Variants in PTPRU observed in about 807,000 individuals in gnomAD.
PTPRU encodes the protein receptor-type tyrosine-protein phosphatase U.
In PTPRU, 69 loss-of-function variants were observed where a neutral mutation model predicts 166.3. The ratio of observed to expected loss-of-function variants is 0.41; its 90% CI spans 0.34 to 0.51. The LOEUF is 0.51. Ranked by LOEUF, PTPRU falls within the 20% of genes least tolerant of loss-of-function variation. PTPRU has a pLI of 0.09. For missense variants in PTPRU, 1,657 were observed against 2,013.7 expected (o/e 0.82, Z 3.39); for synonymous variants, 793 against 814.0 (o/e 0.97, Z 0.44).
intron 15 of PTPRU, among the ~76,000 whole-genome samples, chr1:29,300,367 C>T (rs185102783): frequency 6.6e-6 from 1 of 152,286 alleles, no homozygotes; most frequent in East Asian, 1.9e-4. Context: ...ACAAACATGC[C>T]GAAAGCCCCG....
In PTPRU at chr1:29,282,944, A is replaced by G; in HGVS notation, c.2137A>G (p.Lys713Glu). ...LIYFQAASHL[K>E]GETRLNCIRI... Reference sequence around the variant, plus strand: ...CTACTTCCAGGCAGCAAGCCACCTGAAGGGGGTGAGGGACCGGCCAGGGTC... The same window carrying G: ...CTACTTCCAGGCAGCAAGCCACCTGGAGGGGGTGAGGGACCGGCCAGGGTC... Residue 713 changes from lysine (K) to glutamate (E), a missense_variant, in exon 12 of 30, where the codon AAG becomes GAG. By Grantham distance (56) the Lys-to-Glu change is moderately conservative. Coordinates refer to ENST00000373779, the MANE Select transcript of PTPRU (RefSeq NM_133178.4). 6.2e-7 allele frequency: 1 copy of G among 1,613,112 alleles called. No homozygotes were observed. The highest frequency in any genetic ancestry group is 8.5e-7 in the Non-Finnish European group (1 of 1,179,730).
intron 15 of PTPRU, among the ~76,000 whole-genome samples, chr1:29,296,535 G>T (rs1206293066): frequency 6.8e-6 from 1 of 147,670 alleles, no homozygotes; most frequent in Non-Finnish European, 1.5e-5. Context: ...TTGAGATAGG[G>T]TTTCACCCTG....
chr1:29,305,507 G>A (rs1216664055), intron 18 of PTPRU, 79 bp downstream of exon 18: 3 of 1,440,562 alleles, frequency 2.1e-6, no homozygotes, highest in Non-Finnish European at 2.9e-6. Context: ...GCAGAAACCT[G>A]TCGGGATAAA....
At chr1:29,303,805 G>A (rs1574697267) in intron 15 of PTPRU, 50 bp from the exon 16 acceptor site, 4 of 1,518,360 alleles carry the variant, frequency 2.6e-6, no homozygotes, top group South Asian at 1.2e-5. Context: ...CAGGACCCCC[G>A]AGGCTGGGGC....
chr1:29,313,889 G>A (rs534519155), intron 22 of PTPRU, among the ~76,000 whole-genome samples: 1 of 152,184 alleles, frequency 6.6e-6, no homozygotes, highest in East Asian at 1.9e-4. Context: ...TAAGAAAGGA[G>A]CAGAACATGA....
rs1684554619 is a variant in PTPRU, at chr1:29,251,812, C to A, written c.74-3463C>A. Among the ~76,000 whole-genome samples, 3 of 152,182 alleles carry A rather than the reference C, an allele frequency of 2.0e-5. No individual in the cohort carries two copies. The South Asian group carries it at 6.2e-4, about 31-fold the overall frequency. Reference sequence around the variant, plus strand: ...TGAACCCCATCCAGGGCTTTAGATCCTGGGCTTCCCTTTCTGGCAACCCCT... The same window carrying A: ...TGAACCCCATCCAGGGCTTTAGATCATGGGCTTCCCTTTCTGGCAACCCCT... On this transcript the variant is annotated intron_variant, in intron 1 of 29. Coordinates refer to ENST00000373779, the MANE Select transcript of PTPRU (RefSeq NM_133178.4).
chr1:29,291,759 C>A lies in PTPRU; in HGVS notation c.2319-110C>A. ...GCATCCAGAGATGCTTCTAGGACAG[C>A]TGCTGGCTCCTGGCCTTGAGGTCCC... On this transcript the variant is annotated intron_variant, in intron 14 of 29. Coordinates refer to ENST00000373779, the MANE Select transcript of PTPRU (RefSeq NM_133178.4). This position sits in a 1 kb window ranked among gnomAD's most constrained non-coding sequence, Gnocchi z 4.1. 8.7e-7 allele frequency: 1 copy of A among 1,155,040 alleles called. No individual in the cohort carries two copies. The allele number at this position is 1,155,040 out of a possible 1,614,324, so 71.5% of individuals were successfully genotyped here.
intron 8 of PTPRU, among the ~76,000 whole-genome samples, chr1:29,277,404 A>C (rs181693952): frequency 6.6e-6 from 1 of 152,268 alleles, no homozygotes; most frequent in East Asian, 1.9e-4. Flanking sequence ...CCTGGCCAGC[A>C]ATTGGGACTT....
rs369502974 is a variant in PTPRU at position 29,239,360 on chromosome 1, G to C, written c.73+2643G>C. On this transcript the variant is annotated intron_variant, in intron 1 of 29. Coordinates refer to ENST00000373779, the MANE Select transcript of PTPRU (RefSeq NM_133178.4). ...TGCTATTTTGTCCTTTTGGTCGCAG[G>C]AGTTGTGGACGGCAGGAATGAGGGA... is the stretch of plus-strand genomic sequence containing the variant. 2.6e-3 allele frequency among the ~76,000 whole-genome samples: 393 copies of C among 152,310 alleles called. 3 individuals carry two copies. Among genetic ancestry groups the C allele is most frequent in the African/African-American group, 9.0e-3 (376 of 41,552 alleles).
rs886153067 is a variant in PTPRU at position 29,271,541 on chromosome 1, A to G, written c.1145-3907A>G. Among the ~76,000 whole-genome samples the G allele has an allele frequency of 1.3e-5, 2 of 152,174 alleles. No individual in the cohort carries two copies. Among genetic ancestry groups the G allele is most frequent in the African/African-American group, 4.8e-5 (2 of 41,446 alleles). Reference sequence around the variant, plus strand: ...GGGAGTTTCATCCTCCAAAGTTGCTATCTTGGGCCCTGTAAGGTGATTTGA... The same window carrying G: ...GGGAGTTTCATCCTCCAAAGTTGCTGTCTTGGGCCCTGTAAGGTGATTTGA... On this transcript the variant is annotated intron_variant, in intron 7 of 29. Coordinates refer to ENST00000373779, the MANE Select transcript of PTPRU (RefSeq NM_133178.4). This position sits in a 1 kb window ranked among gnomAD's most constrained non-coding sequence, Gnocchi z 4.4.
rs548377153 is a variant in PTPRU at position 29,304,653 on chromosome 1, T to G, written c.2668-121T>G. The G allele has an allele frequency of 3.6e-3, 2,403 of 661,792 alleles. 11 individuals carry two copies. The highest frequency in any genetic ancestry group is 5.1e-3 in the Non-Finnish European group (2,082 of 405,978). The allele number at this position is 661,792 out of a possible 1,614,324, so 41.0% of individuals were successfully genotyped here. A position where few individuals can be genotyped will look rare whatever the true frequency, so the allele number is the denominator to read the frequency against. On this transcript the variant is annotated intron_variant, in intron 16 of 29. Coordinates refer to ENST00000373779, the MANE Select transcript of PTPRU (RefSeq NM_133178.4). ...CAGTGACTTTATCTCAGGCCCAAGT[T>G]CAGCTTGAATCTGGCCCTTATCATC...
Position 29,320,950 on chromosome 1 carries a change from C to CACACAATAA in PTPRU, c.3828+126_3828+127insCACAATAAA. ...GCCATCTATTTATTGTGTGATGAATCATACACCTTCCCAGAGCCTCAGTTT... is the reference window on the plus strand; with the variant it reads ...GCCATCTATTTATTGTGTGATGAATCACACAATAAATACACCTTCCCAGAGCCTCAGTTT... On this transcript the variant is annotated intron_variant, in intron 26 of 29. Transcript: ENST00000373779. The surrounding 1 kb of genome is among the most constrained non-coding windows in gnomAD (Gnocchi z 5.2). The CACACAATAA allele has an allele frequency of 9.1e-7, 1 of 1,099,650 alleles. No individual in the cohort carries two copies. Among genetic ancestry groups the CACACAATAA allele is most frequent in the Non-Finnish European group, 1.2e-6 (1 of 816,324 alleles). 68.1% of individuals were successfully genotyped at this position (1,099,650 alleles called of 1,614,324 possible).
rs144540053 is a variant in PTPRU, at chr1:29,325,194, C to T, written c.4116C>T (p.Asn1372=). ...GDGRTIVHCL[N]GGGRSGTFCA... ...AGCTTTTGCATCTCTCATTCAGAAA[C>T]GGGGGAGGACGCAGCGGCACCTTCT... is the stretch of plus-strand genomic sequence containing the variant. The change falls in exon 29 of 30, where the codon AAC becomes AAT. Residue 1372 remains asparagine, a synonymous_variant. Transcript: ENST00000373779. 989 of 1,614,122 alleles carry T rather than the reference C, an allele frequency of 6.1e-4. 6 individuals are homozygous for T. Among genetic ancestry groups the T allele is most frequent in the Non-Finnish European group, 1.5e-4 (176 of 1,179,978 alleles).
intron 7 of PTPRU, among the ~76,000 whole-genome samples, chr1:29,264,508 CTT>C (rs1197340600): frequency 1.1e-4 from 16 of 140,834 alleles, no homozygotes; most frequent in African/African-American, 7.8e-5. Flanking sequence ...CAACCTCATT[CTT>C]TTTTTTTTTT....
At chr1:29,286,399 T>C (rs556301803) in intron 14 of PTPRU, among the ~76,000 whole-genome samples, 1 of 152,320 alleles carries the variant, frequency 6.6e-6, no homozygotes, top group Admixed American at 6.5e-5. Context: ...TTCTTGGATC[T>C]TGACTGACTC....
chr1:29,316,777 C>T (rs943094630), intron 24 of PTPRU, among the ~76,000 whole-genome samples: 2 of 152,164 alleles, frequency 1.3e-5, no homozygotes, highest in African/African-American at 2.4e-5. Flanking sequence ...AGTCCTAGAT[C>T]AGACTTTCAT....
chr1:29,290,685 G>T (rs2151957489), intron 14 of PTPRU, among the ~76,000 whole-genome samples: 1 of 152,350 alleles, frequency 6.6e-6, no homozygotes, highest in East Asian at 1.9e-4. Flanking sequence ...TGAGCCCCCA[G>T]CTCGGCTCCT....
intron 7 of PTPRU, among the ~76,000 whole-genome samples, chr1:29,262,937 A>G (rs1685136172): frequency 6.6e-6 from 1 of 152,150 alleles, no homozygotes; most frequent in Non-Finnish European, 1.5e-5. Flanking sequence ...ATGGAATCAT[A>G]TAATATATAA....
intron 1 of PTPRU, among the ~76,000 whole-genome samples, chr1:29,241,526 G>A (rs1226598773): frequency 6.6e-6 from 1 of 151,796 alleles, no homozygotes; most frequent in Non-Finnish European, 1.5e-5. Flanking sequence ...AGTCATTGAA[G>A]TATCCAGTTG....
Sources: gnomAD v4.1 joint callset for allele counts (sites outside exome capture counted in the v4.1 genomes callset) on GRCh38, gnomAD v4.1.1 for gene constraint, Gnocchi (gnomAD v3.1) non-coding constraint, MANE v1.5 for transcripts, NCBI Gene and HGNC (gene_info 2026-07-23, HGNC 2026-07-21) for gene names.